Variants in EYS observed in about 807,000 individuals in gnomAD.
EYS encodes EGF-like photoreceptor maintenance factor.
A neutral mutation model predicts 282.1 loss-of-function variants in EYS; 250 were observed. That is an observed-to-expected ratio of 0.89 (90% CI 0.80 to 0.98). The LOEUF (loss-of-function observed/expected upper bound fraction) is 0.98. EYS is among the 50% of genes least tolerant of loss of function. The pLI, the probability that EYS is intolerant of heterozygous loss-of-function variation, is 0.00. For missense variants in EYS, 4,016 were observed against 3,709.0 expected (o/e 1.08, Z -2.15); for synonymous variants, 1,355 against 1,282.9 (o/e 1.06, Z -1.20).
intron 2 of EYS, among the ~76,000 whole-genome samples, chr6:65,504,893 A>G (rs1034950022): frequency 1.3e-5 from 2 of 151,620 alleles, no homozygotes; most frequent in Non-Finnish European, 3.0e-5. Flanking sequence ...ACATTTGTCT[A>G]CTTTTGGAAT....
At chr6:64,840,169 C>T (rs577816296) in intron 19 of EYS, among the ~76,000 whole-genome samples, 29 of 151,964 alleles carry the variant, frequency 1.9e-4, no homozygotes, top group African/African-American at 6.5e-4. Flanking sequence ...ACAACACATC[C>T]GTAAAGCAGT....
At chr6:64,622,532 G>T (rs1160917433) in intron 23 of EYS, among the ~76,000 whole-genome samples, 17 of 152,124 alleles carry the variant, frequency 1.1e-4, no homozygotes, top group African/African-American at 4.1e-4. Context: ...AATGTTGCAG[G>T]ATTCACACAG....
chr6:65,603,670 G>GT (rs1194097716), intron 2 of EYS, among the ~76,000 whole-genome samples: 2 of 151,904 alleles, frequency 1.3e-5, no homozygotes, highest in Admixed American at 6.6e-5. Flanking sequence ...TTTATTATCT[G>GT]TTTTTTGTAA....
chr6:64,540,285 A>T (rs79256970), intron 26 of EYS, among the ~76,000 whole-genome samples: 1 of 152,232 alleles, frequency 6.6e-6, no homozygotes, highest in Non-Finnish European at 1.5e-5. Context: ...AGGAAAAGAA[A>T]GTTAGCAGGA....
At chr6:64,488,001 A>T (rs1018018618) in intron 26 of EYS, among the ~76,000 whole-genome samples, 1 of 151,038 alleles carries the variant, frequency 6.6e-6, no homozygotes, top group Non-Finnish European at 1.5e-5. Context: ...GGATGGCAAC[A>T]TGAGATTTTC....
intron 2 of EYS, among the ~76,000 whole-genome samples, chr6:65,528,279 C>T (rs1192481001): frequency 1.3e-5 from 2 of 152,134 alleles, no homozygotes; most frequent in Non-Finnish European, 2.9e-5. Flanking sequence ...AAAAATTTCA[C>T]TGAAATAGAA....
rs111936842 is a variant in EYS, at chr6:64,782,993, A to G, written c.3443+30385T>C. Among the ~76,000 whole-genome samples the G allele has an allele frequency of 1.8e-3, 276 of 152,296 alleles. 1 individual carries two copies. The highest frequency in any genetic ancestry group is 6.5e-3 in the African/African-American group (271 of 41,568). ...CAGAAATAAACAATTCATAACTTTT[A>G]AGTTGCATGCCATGCTTAGTAGTGT... On this transcript the variant is annotated intron_variant, in intron 22 of 42. Transcript: ENST00000503581.
Position 64,707,300 on chromosome 6 carries a change from T to C in EYS, c.3444-81055A>G, listed in dbSNP as rs554001868. On this transcript the variant is annotated intron_variant, in intron 22 of 42. Coordinates refer to ENST00000503581, the MANE Select transcript of EYS (RefSeq NM_001142800.2). The stretch of plus-strand genomic sequence containing the variant: ...ATAAGTGGGAGCTAAGCTCTGAGGA[T>C]GCAAAGGTATAAGAATAATACAATG... 2.7e-4 allele frequency among the ~76,000 whole-genome samples: 41 copies of C among 152,154 alleles called. 1 individual carries two copies. In the South Asian group the frequency reaches 8.5e-3, roughly 32 times the overall value.
intron 24 of EYS, among the ~76,000 whole-genome samples, chr6:64,603,995 C>T (rs1356724869): frequency 6.6e-6 from 1 of 151,696 alleles, no homozygotes; most frequent in Admixed American, 6.6e-5. Flanking sequence ...GACAACTTGA[C>T]AACACACAAC....
intron 2 of EYS, among the ~76,000 whole-genome samples, chr6:65,605,517 C>G (rs1427101186): frequency 6.6e-6 from 1 of 151,806 alleles, no homozygotes; most frequent in African/African-American, 2.4e-5. Flanking sequence ...AATTTAATGA[C>G]ATTACCTTTG....
At chr6:63,975,304 A>C (rs9444417) in intron 35 of EYS, among the ~76,000 whole-genome samples, 1 of 151,606 alleles carries the variant, frequency 6.6e-6, no homozygotes, top group South Asian at 2.1e-4. Flanking sequence ...TCCCACGATC[A>C]TTACACTGCT....
intron 1 of EYS, among the ~76,000 whole-genome samples, chr6:65,642,553 G>C (rs545065187): frequency 5.3e-4 from 80 of 151,756 alleles, no homozygotes; most frequent in Non-Finnish European, 6.5e-4. Flanking sequence ...ATTCACCTTT[G>C]TCCCAAAGGT....
chr6:64,301,074 A>G (rs1289879400), intron 30 of EYS, among the ~76,000 whole-genome samples: 1 of 152,242 alleles, frequency 6.6e-6, no homozygotes, highest in Non-Finnish European at 1.5e-5. Flanking sequence ...CACAGTTAAG[A>G]GATTTAATGA....
At chr6:64,917,865 T>C (rs1419595006) in intron 15 of EYS, among the ~76,000 whole-genome samples, 10 of 152,122 alleles carry the variant, frequency 6.6e-5, no homozygotes, top group Non-Finnish European at 1.2e-4. Context: ...AATCATTACA[T>C]ATTTGAAACA....
At chr6:65,057,751 T>A (rs748682206) in intron 12 of EYS, 24 bp from the exon 13 acceptor site, 61 of 1,280,428 alleles carry the variant, frequency 4.8e-5, no homozygotes, top group Admixed American at 9.9e-5. Context: ...GAAAAAAAAA[T>A]GTTAAGTGTT....
At chr6:65,177,403 A>G (rs966197683) in intron 12 of EYS, among the ~76,000 whole-genome samples, 1 of 151,922 alleles carries the variant, frequency 6.6e-6, no homozygotes, top group Admixed American at 6.6e-5. Flanking sequence ...AATGTGTTAG[A>G]ATAAATATTC....
chr6:65,155,602 A>G (rs907889938), intron 12 of EYS, among the ~76,000 whole-genome samples: 1 of 151,578 alleles, frequency 6.6e-6, no homozygotes, highest in Admixed American at 6.6e-5. Flanking sequence ...TATTAACCCT[A>G]TAAAATGAAT....
chr6:64,947,126 T>C (rs1482864054), intron 14 of EYS, among the ~76,000 whole-genome samples: 1 of 151,856 alleles, frequency 6.6e-6, no homozygotes, highest in Non-Finnish European at 1.5e-5. Context: ...TGTACAGATC[T>C]AGCACCCTAT....
chr6:63,975,914 T>C (rs974461842), intron 35 of EYS, among the ~76,000 whole-genome samples: 1 of 152,012 alleles, frequency 6.6e-6, no homozygotes, highest in African/African-American at 2.4e-5. Context: ...AATGTACTTA[T>C]ACAAACCCAG....
Sources: allele counts gnomAD v4.1 joint callset (sites outside exome capture counted in the v4.1 genomes callset), GRCh38; gene constraint gnomAD v4.1.1; transcripts MANE v1.5; gene names NCBI Gene and HGNC (gene_info 2026-07-23, HGNC 2026-07-21).